The following MMP26 variants were observed in gnomAD, a reference collection of about 807,000 sequenced individuals.
The protein encoded by MMP26 is matrix metalloproteinase-26.
A neutral mutation model predicts 31.0 loss-of-function variants in MMP26; 33 were observed. The ratio of observed to expected loss-of-function variants is 1.06; its 90% CI spans 0.81 to 1.42. MMP26 has a LOEUF of 1.42. Among genes scored for constraint, MMP26 ranks in the 40% most tolerant of loss-of-function variants. The pLI is 0.00. For missense variants in MMP26, 347 were observed against 316.1 expected (o/e 1.10, Z -0.74); for synonymous variants, 122 against 114.9 (o/e 1.06, Z -0.40).
intron 2 of MMP26, among the ~76,000 whole-genome samples, chr11:4,771,324 T>G (rs1335291297): frequency 2.6e-5 from 4 of 152,158 alleles, no homozygotes; most frequent in African/African-American, 9.7e-5. Flanking sequence ...GCACTGACAC[T>G]AGTAAGTGTC....
chr11:4,946,565 G>A (rs1288850673), intron 2 of MMP26: 2 of 1,591,814 alleles, frequency 1.3e-6, no homozygotes, highest in African/African-American at 1.4e-5. Flanking sequence ...GAGACAGTAG[G>A]AATGGGATAA....
chr11:4,968,950 T>G (rs1009682415), intron 2 of MMP26, among the ~76,000 whole-genome samples: 6 of 152,048 alleles, frequency 3.9e-5, no homozygotes, highest in African/African-American at 1.4e-4. Context: ...ACATCATATC[T>G]TTCATACTTC....
At position 4,992,387 on chromosome 11, in the gene MMP26, CAA is replaced by C. The variant is rs1488383362; in HGVS notation, c.*148_*149del. The C allele has an allele frequency of 1.0e-5, 7 of 678,352 alleles. No homozygotes were observed. The African/African-American group carries it at 1.3e-4, about 12-fold the overall frequency. 42.0% of individuals were successfully genotyped at this position (678,352 alleles called of 1,614,324 possible). On this transcript the variant is annotated 3_prime_UTR_variant, in exon 8 of 8. Coordinates refer to ENST00000380390, the MANE Select transcript of MMP26 (RefSeq NM_021801.5). ...TAGTCAGGTTAGCTGAACCGACACT[CAA>C]AACGCTACTGAGTCACAATAAAGAT...
intron 1 of MMP26, among the ~76,000 whole-genome samples, chr11:4,730,185 A>C (rs1206583952): frequency 6.6e-6 from 1 of 152,008 alleles, no homozygotes; most frequent in Non-Finnish European, 1.5e-5. Context: ...TGCCTTTACT[A>C]TTAGATATGG....
At chr11:4,986,964 T>TCTCTCC (rs1846909391) in intron 2 of MMP26, among the ~76,000 whole-genome samples, 3 of 141,446 alleles carry the variant, frequency 2.1e-5, no homozygotes, top group Non-Finnish European at 3.0e-5. Flanking sequence ...TCTCTCCCTC[T>TCTCTCC]CTCTCTCTCT....
chr11:4,895,015 G>T (rs1850679938), intron 2 of MMP26, among the ~76,000 whole-genome samples: 1 of 152,132 alleles, frequency 6.6e-6, no homozygotes, highest in Non-Finnish European at 1.5e-5. Context: ...GCCCTAATCA[G>T]TTGAAAACAT....
intron 2 of MMP26, among the ~76,000 whole-genome samples, chr11:4,953,125 C>T (rs538808914): frequency 8.0e-6 from 1 of 125,504 alleles, no homozygotes; most frequent in Non-Finnish European, 1.8e-5. Flanking sequence ...CTCTTTGTAC[C>T]ATATCTTTTT....
chr11:4,758,304 A>G (rs1047023572), intron 1 of MMP26, among the ~76,000 whole-genome samples: 11 of 152,128 alleles, frequency 7.2e-5, no homozygotes, highest in African/African-American at 2.2e-4. Context: ...CAATATTTCA[A>G]AAAAAGAAAG....
At chr11:4,761,757 TGTAAA>T (rs1393370874) in intron 1 of MMP26, among the ~76,000 whole-genome samples, 2 of 152,220 alleles carry the variant, frequency 1.3e-5, no homozygotes, top group Non-Finnish European at 2.9e-5. Context: ...TAGATTTTTG[TGTAAA>T]GTAATTTGGT....
chr11:4,985,338 G>A (rs1389229718), intron 2 of MMP26, among the ~76,000 whole-genome samples: 1 of 152,116 alleles, frequency 6.6e-6, no homozygotes. Context: ...GTTGATAGAG[G>A]TTATCAGGAA....
chr11:4,959,004 C>T (rs747293382), intron 2 of MMP26, among the ~76,000 whole-genome samples: 4 of 151,876 alleles, frequency 2.6e-5, no homozygotes, highest in Admixed American at 6.5e-5. Context: ...TTTGGGAGGC[C>T]GAGGCGGGCA....
chr11:4,757,137 T>C (rs1848514487), intron 1 of MMP26, among the ~76,000 whole-genome samples: 1 of 152,098 alleles, frequency 6.6e-6, no homozygotes. Flanking sequence ...GTCATACAGA[T>C]TAATAGGACA....
At chr11:4,924,511 G>T (rs917016673) in intron 2 of MMP26, among the ~76,000 whole-genome samples, 2 of 152,164 alleles carry the variant, frequency 1.3e-5, no homozygotes, top group Non-Finnish European at 2.9e-5. Context: ...TTTCTACTGG[G>T]TCTAGGAAGG....
chr11:4,948,920 TTTCTCCAGGTACTTC>T (rs1299760734), intron 2 of MMP26, among the ~76,000 whole-genome samples: 1 of 124,768 alleles, frequency 8.0e-6, no homozygotes, highest in Non-Finnish European at 1.8e-5. Context: ...TTCTCTTAGC[TTTCTCCAGGTACTTC>T]TTATTAAAGA....
At chr11:4,941,242 T>C (rs1349878415) in intron 2 of MMP26, among the ~76,000 whole-genome samples, 2 of 152,194 alleles carry the variant, frequency 1.3e-5, no homozygotes, top group Non-Finnish European at 2.9e-5. Context: ...ATTCTCTTTG[T>C]AACAAGAATG....
At chr11:4,863,739 A>G (rs1301821840) in intron 2 of MMP26, 2 of 152,124 alleles carry the variant, frequency 1.3e-5, no homozygotes, top group East Asian at 3.9e-4. Flanking sequence ...ATGATTCTCC[A>G]AGGATTTCAC....
intron 2 of MMP26, among the ~76,000 whole-genome samples, chr11:4,849,980 A>G (rs1849952006): frequency 6.6e-6 from 1 of 152,162 alleles, no homozygotes; most frequent in Non-Finnish European, 1.5e-5. Context: ...TATAATTTTT[A>G]TATGTTGGAA....
chr11:4,895,534 T>C (rs1850687019), intron 2 of MMP26, among the ~76,000 whole-genome samples: 1 of 152,228 alleles, frequency 6.6e-6, no homozygotes, highest in Admixed American at 6.5e-5. Context: ...GTCTACCCAG[T>C]ATTTTCTCTA....
intron 2 of MMP26, among the ~76,000 whole-genome samples, chr11:4,791,280 G>A (rs1437124369): frequency 6.6e-6 from 1 of 152,156 alleles, no homozygotes; most frequent in Non-Finnish European, 1.5e-5. Context: ...TAGGCAGCTG[G>A]GCTCATTCTT....
Sources: allele counts gnomAD v4.1 joint callset (sites outside exome capture counted in the v4.1 genomes callset), GRCh38; gene constraint gnomAD v4.1.1; transcripts MANE v1.5; gene names NCBI Gene and HGNC (gene_info 2026-07-23, HGNC 2026-07-21).